ST8SIA1: variants seen among roughly 807,000 people sequenced by gnomAD.
ST8SIA1 encodes the protein alpha-N-acetylneuraminide alpha-2,8-sialyltransferase.
In ST8SIA1, 16 loss-of-function variants were observed where a neutral mutation model predicts 35.9. The ratio of observed to expected loss-of-function variants is 0.45; its 90% CI spans 0.30 to 0.68. The LOEUF is 0.68. Ranked by LOEUF, ST8SIA1 falls within the 30% of genes least tolerant of loss-of-function variation. The pLI is 0.09. For missense variants in ST8SIA1, 383 were observed against 453.6 expected, an observed-to-expected ratio of 0.84 and a Z score of 1.41; for synonymous variants, 170 against 169.6, an observed-to-expected ratio of 1.00 and a Z score of -0.02.
intron 1 of ST8SIA1, among the ~76,000 whole-genome samples, chr12:22,293,388 T>C (rs1336710546): frequency 6.6e-6 from 1 of 152,268 alleles, no homozygotes; most frequent in East Asian, 1.9e-4. Context: ...CCTATTCTAA[T>C]GATATCTGAC....
chr12:22,223,983 C>A (rs1865329278), intron 4 of ST8SIA1, among the ~76,000 whole-genome samples: 1 of 152,156 alleles, frequency 6.6e-6, no homozygotes, highest in Non-Finnish European at 1.5e-5. Context: ...AAGGTCGGAA[C>A]ATTTTCAAGA....
intron 4 of ST8SIA1, among the ~76,000 whole-genome samples, chr12:22,222,453 A>C (rs1375763255): frequency 2.0e-5 from 3 of 152,186 alleles, no homozygotes; most frequent in Non-Finnish European, 4.4e-5. Flanking sequence ...CTAATACTTA[A>C]AGAAGTGAGA....
intron 1 of ST8SIA1, chr12:22,325,529 G>A: frequency 1.4e-6 from 1 of 700,396 alleles, no homozygotes. Context: ...ATCCAAAACA[G>A]TCAAACTGTA....
chr12:22,270,375 T>C (rs563665676), intron 2 of ST8SIA1, among the ~76,000 whole-genome samples: 2 of 152,344 alleles, frequency 1.3e-5, no homozygotes, highest in Admixed American at 6.5e-5. Context: ...AGCCACAAAA[T>C]TGAATCAAAT....
At chr12:22,240,978 C>CTTTTTT (rs35021216) in intron 4 of ST8SIA1, among the ~76,000 whole-genome samples, 1 of 130,454 alleles carries the variant, frequency 7.7e-6, no homozygotes, top group Non-Finnish European at 1.6e-5. Context: ...CATGCCAACT[C>CTTTTTT]TTTTTTTTTT....
chr12:22,210,955 C>T (rs1865169587), intron 4 of ST8SIA1, among the ~76,000 whole-genome samples: 2 of 152,278 alleles, frequency 1.3e-5, no homozygotes, highest in African/African-American at 4.8e-5. Context: ...TGTTTCTGTA[C>T]CTCAGTGCCA....
chr12:22,242,526 CA>C, intron 4 of ST8SIA1, among the ~76,000 whole-genome samples: 1 of 152,032 alleles, frequency 6.6e-6, no homozygotes, highest in African/African-American at 2.4e-5. Context: ...ACCTATGCCA[CA>C]AAAATTAGGT....
intron 2 of ST8SIA1, among the ~76,000 whole-genome samples, chr12:22,264,893 T>C (rs1865829413): frequency 6.6e-6 from 1 of 152,244 alleles, no homozygotes; most frequent in African/African-American, 2.4e-5. Context: ...ACAGGATGCT[T>C]CTTTGGAAAT....
intron 4 of ST8SIA1, among the ~76,000 whole-genome samples, chr12:22,214,834 A>G (rs1458417302): frequency 6.6e-6 from 1 of 152,206 alleles, no homozygotes; most frequent in Admixed American, 6.5e-5. Flanking sequence ...CAGTAACTCT[A>G]TGAGGAAGGC....
rs543186410 is a variant in ST8SIA1 at position 22,302,552 on chromosome 12, C to G, written c.237-15259G>C. On this transcript the variant is annotated intron_variant, in intron 1 of 4. Coordinates refer to ENST00000396037, the MANE Select transcript of ST8SIA1 (RefSeq NM_003034.4). ...GCTTTCCTAATAACTCGGGACCTACCTATATAGGAATAAACCATCCCAGAC... is the reference window on the plus strand; with the variant it reads ...GCTTTCCTAATAACTCGGGACCTACGTATATAGGAATAAACCATCCCAGAC... Among the ~76,000 whole-genome samples, 8 of 152,230 alleles carry G rather than the reference C, an allele frequency of 5.3e-5. No individual in the cohort carries two copies. The East Asian group carries it at 1.5e-3, about 29-fold the overall frequency.
At chr12:22,237,250 T>C (rs7296325) in intron 4 of ST8SIA1, among the ~76,000 whole-genome samples, 30,441 of 151,900 alleles carry the variant, frequency 0.2, 3,249 homozygotes, top group Middle Eastern at 0.3. Context: ...AGACGCCATG[T>C]CTGGCTAATT....
chr12:22,264,899 G>A lies in ST8SIA1; in HGVS notation c.382-9510C>T, dbSNP rs73270058. 8.1e-3 allele frequency among the ~76,000 whole-genome samples: 1,226 copies of A among 152,274 alleles called. 18 individuals carry two copies. Among genetic ancestry groups the A allele is most frequent in the African/African-American group, 0.028 (1,180 of 41,534 alleles). On this transcript the variant is annotated intron_variant, in intron 2 of 4. Coordinates refer to ENST00000396037, the MANE Select transcript of ST8SIA1 (RefSeq NM_003034.4). ...GCTTTCTACACAGGATGCTTCTTTGGAAATTGAATGATGTGAATATTTATA... is the reference window on the plus strand; with the variant it reads ...GCTTTCTACACAGGATGCTTCTTTGAAAATTGAATGATGTGAATATTTATA...
intron 1 of ST8SIA1, chr12:22,324,828 T>A (rs1178848333): frequency 1.3e-5 from 2 of 152,128 alleles, no homozygotes; most frequent in Non-Finnish European, 2.9e-5. Flanking sequence ...AATCTTTTTT[T>A]AAAGTATTTT....
intron 4 of ST8SIA1, among the ~76,000 whole-genome samples, chr12:22,208,435 A>C (rs1865140451): frequency 6.6e-6 from 1 of 152,144 alleles, no homozygotes; most frequent in Non-Finnish European, 1.5e-5. Context: ...TTAAAATAAT[A>C]CAATAAAACA....
chr12:22,320,584 C>G (rs149552543), intron 1 of ST8SIA1, among the ~76,000 whole-genome samples: 97 of 152,256 alleles, frequency 6.4e-4, no homozygotes, highest in African/African-American at 2.2e-3. Flanking sequence ...GTGGCTTACA[C>G]CTGTAATCCC....
intron 1 of ST8SIA1, among the ~76,000 whole-genome samples, chr12:22,314,588 G>A (rs1320832807): frequency 6.6e-6 from 1 of 152,138 alleles, no homozygotes; most frequent in African/African-American, 2.4e-5. Flanking sequence ...TAGAGCAAGA[G>A]GACCCAAGTA....
At position 22,198,605 on chromosome 12, in the gene ST8SIA1, T is replaced by C. The variant is rs1865016669; in HGVS notation, c.*2947A>G. 1.3e-5 allele frequency: 2 copies of C among 151,698 alleles called. No individual in the cohort carries two copies. Among genetic ancestry groups the C allele is most frequent in the Admixed American group, 6.6e-5 (1 of 15,208 alleles). 9.4% of individuals were successfully genotyped at this position (151,698 alleles called of 1,614,324 possible). ...CAATTATGTCCAAAAGGCATATGTA[T>C]GGTGTATCTAGTGAGTTGTAATCTA... is the stretch of plus-strand genomic sequence containing the variant. On this transcript the variant is annotated 3_prime_UTR_variant, in exon 5 of 5. Coordinates refer to ENST00000396037, the MANE Select transcript of ST8SIA1 (RefSeq NM_003034.4).
intron 1 of ST8SIA1, among the ~76,000 whole-genome samples, chr12:22,321,668 C>A (rs1866603245): frequency 6.6e-6 from 1 of 152,190 alleles, no homozygotes; most frequent in African/African-American, 2.4e-5. Context: ...TGTTCAGAGA[C>A]CCATTAGAGC....
At chr12:22,248,004 A>G (rs192165253) in intron 4 of ST8SIA1, among the ~76,000 whole-genome samples, 1 of 152,272 alleles carries the variant, frequency 6.6e-6, no homozygotes, top group Admixed American at 6.5e-5. Flanking sequence ...TTTTCCACAA[A>G]TAGTATTGTT....
Sources: gnomAD v4.1 joint callset for allele counts (sites outside exome capture counted in the v4.1 genomes callset) on GRCh38, gnomAD v4.1.1 for gene constraint, MANE v1.5 for transcripts, NCBI Gene and HGNC (gene_info 2026-07-23, HGNC 2026-07-21) for gene names.